Variants in ZFP3 observed in about 807,000 individuals in gnomAD.
The protein encoded by ZFP3 is zinc finger protein 3 homolog.
Under a neutral mutation model 36.7 loss-of-function variants are expected in ZFP3, and 18 were observed. The observed-to-expected ratio is 0.49, with a 90% CI of 0.34 to 0.73. ZFP3 has a LOEUF of 0.73. ZFP3 is among the 30% of genes least tolerant of loss of function. ZFP3 has a pLI of 0.01. For missense variants in ZFP3, 495 were observed against 599.0 expected (o/e 0.83, Z 1.81); for synonymous variants, 218 against 199.0 (o/e 1.10, Z -0.81).
chr17:5,084,458 G>C (rs2072110667), intron 1 of ZFP3, among the ~76,000 whole-genome samples: 1 of 119,868 alleles, frequency 8.3e-6, no homozygotes. Context: ...TGTATTTTTA[G>C]TAGAGACGGG....
chr17:5,096,210 T>TA lies in ZFP3; in HGVS notation c.*3203dup, dbSNP rs1269419146. 1 of 166,962 alleles carries TA rather than the reference T, an allele frequency of 6.0e-6. No individual in the cohort carries two copies. Among genetic ancestry groups the TA allele is most frequent in the African/African-American group, 2.4e-5 (1 of 41,406 alleles). The allele number at this position is 166,962 out of a possible 1,614,324, so 10.3% of individuals were successfully genotyped here. On this transcript the variant is annotated 3_prime_UTR_variant, in exon 2 of 2. Coordinates refer to ENST00000318833, the MANE Select transcript of ZFP3 (RefSeq NM_153018.3). ...TGAATTGTCTTAATTTTAGACCCAT[T>TA]AAAAAACCGCACAGGCCTCAATCTT...
At position 5,078,488 on chromosome 17, in the gene ZFP3, C is replaced by G. The variant is rs1385660791; in HGVS notation, c.-96C>G. On this transcript the variant is annotated 5_prime_UTR_variant, in exon 1 of 2. Transcript: ENST00000318833. This position sits in a 1 kb window ranked among gnomAD's most constrained non-coding sequence, Gnocchi z 4.5. ...GGCCGATGCCCGTCGCCAGTGACAC[C>G]GGGACAACAGCTGCGGGCTCTGTGC... 2.0e-5 allele frequency: 3 copies of G among 152,326 alleles called. No homozygotes were observed. The East Asian group carries it at 5.8e-4, about 29-fold the overall frequency. The allele number at this position is 152,326 out of a possible 1,614,324, so 9.4% of individuals were successfully genotyped here. A position where few individuals can be genotyped will look rare whatever the true frequency, so the allele number is the denominator to read the frequency against.
chr17:5,083,324 G>A (rs1402589946), intron 1 of ZFP3, among the ~76,000 whole-genome samples: 2 of 152,134 alleles, frequency 1.3e-5, no homozygotes, highest in Non-Finnish European at 2.9e-5. Context: ...TTGGGACGCC[G>A]AGGTGGATGG....
rs918794538 is a variant in ZFP3, at chr17:5,093,877, A to G, written c.*864A>G. ...CCAGGGGATAAACAATTGAGGTCAC[A>G]CTGCTCGGCATGGGCAGAAGCAGCT... is the stretch of plus-strand genomic sequence containing the variant. On this transcript the variant is annotated 3_prime_UTR_variant, in exon 2 of 2. Coordinates refer to ENST00000318833, the MANE Select transcript of ZFP3 (RefSeq NM_153018.3). 2 of 167,190 alleles carry G rather than the reference A, an allele frequency of 1.2e-5. No individual in the cohort carries two copies. Among genetic ancestry groups the G allele is most frequent in the Non-Finnish European group, 2.9e-5 (2 of 68,142 alleles). 10.4% of individuals were successfully genotyped at this position (167,190 alleles called of 1,614,324 possible). A position where few individuals can be genotyped will look rare whatever the true frequency, so the allele number is the denominator to read the frequency against.
rs1299277989 is a variant in ZFP3, at chr17:5,092,033, A to T, written c.529A>T (p.Thr177Ser). 6.2e-7 allele frequency: 1 copy of T among 1,614,102 alleles called. No individual in the cohort carries two copies. Among genetic ancestry groups the T allele is most frequent in the African/African-American group, 1.3e-5 (1 of 74,938 alleles). The change falls in exon 2 of 2, where the codon ACA becomes TCA. Residue 177 changes from threonine to serine, a missense_variant. Thr to Ser is a moderately conservative substitution (Grantham distance 58). Around this residue, in one of 3 missense-constraint regions of ZFP3, gnomAD observed 229 missense variants for 233.8 expected, o/e 0.98. Transcript: ENST00000318833. This position sits in a 1 kb window ranked among gnomAD's most constrained non-coding sequence, Gnocchi z 5.0. ...KPFECKECGKTFGTNSSLRRH... is the reference protein window; with the variant it reads ...KPFECKECGKSFGTNSSLRRH... The stretch of plus-strand genomic sequence containing the variant: ...CTTTGAATGTAAAGAATGTGGAAAG[A>T]CATTTGGAACTAATTCAAGCCTTCG...
In ZFP3 at chr17:5,094,639, A is replaced by G; in HGVS notation, c.*1626A>G. The G allele has an allele frequency of 6.0e-6, 1 of 167,242 alleles. No individual in the cohort carries two copies. The allele number at this position is 167,242 out of a possible 1,614,324, so 10.4% of individuals were successfully genotyped here. On this transcript the variant is annotated 3_prime_UTR_variant, in exon 2 of 2. Coordinates refer to ENST00000318833, the MANE Select transcript of ZFP3 (RefSeq NM_153018.3). The stretch of plus-strand genomic sequence containing the variant: ...CCGATAATTCCTTAATTCTTTAAAA[A>G]TTTAACTTTATATATCTTTATTATT...
chr17:5,092,557 GATT>G lies in ZFP3; in HGVS notation c.1058_1060del (p.Ile353del). On this transcript the variant is annotated inframe_deletion, in exon 2 of 2. Coordinates refer to ENST00000318833, the MANE Select transcript of ZFP3 (RefSeq NM_153018.3). The surrounding 1 kb of genome is among the most constrained non-coding windows in gnomAD (Gnocchi z 5.0). ...GGAAAACTTTTGGCCAGAACTCAGAGATTATTAGACATATTAGAATTCATACTG... is the reference window on the plus strand; with the variant it reads ...GGAAAACTTTTGGCCAGAACTCAGAGATTAGACATATTAGAATTCATACTG... 1 of 1,614,116 alleles carries G rather than the reference GATT, an allele frequency of 6.2e-7. No individual in the cohort carries two copies. Among genetic ancestry groups the G allele is most frequent in the Non-Finnish European group, 8.5e-7 (1 of 1,180,030 alleles).
At position 5,092,238 on chromosome 17, in the gene ZFP3, G is replaced by T. The variant is rs1192546479; in HGVS notation, c.734G>T (p.Arg245Ile). ...AATTCAGCCCTTATTCTACACCAGA[G>T]AATCCATACTGGAGAGAAACCATAT... ...SQNSALILHQ[R>I]IHTGEKPYEC... The change falls in exon 2 of 2, where the codon AGA becomes ATA. Residue 245 changes from arginine (R) to isoleucine (I), a missense_variant. Coordinates refer to ENST00000318833, the MANE Select transcript of ZFP3 (RefSeq NM_153018.3). This position sits in a 1 kb window ranked among gnomAD's most constrained non-coding sequence, Gnocchi z 5.0. The T allele has an allele frequency of 6.2e-7, 1 of 1,614,146 alleles. No homozygotes were observed. Among genetic ancestry groups the T allele is most frequent in the South Asian group, 1.1e-5 (1 of 91,080 alleles).
rs140911391 is a variant in ZFP3 at position 5,091,781 on chromosome 17, A to C, written c.277A>C (p.Arg93=). Reference sequence around the variant, plus strand: ...AGACCGGGAGAATAATGAGAGTGAGAGAGGCTGCAGTCCCAGCCCAAATCT... The same window carrying C: ...AGACCGGGAGAATAATGAGAGTGAGCGAGGCTGCAGTCCCAGCCCAAATCT... ...EKDRENNESE[R]GCSPSPNLVT... The change falls in exon 2 of 2, where the codon AGA becomes CGA. Residue 93 remains arginine (R), a synonymous_variant. Transcript: ENST00000318833. 188 of 1,614,110 alleles carry C rather than the reference A, an allele frequency of 1.2e-4. 1 individual carries two copies. In the African/African-American group the frequency reaches 1.8e-3, roughly 15 times the overall value.
chr17:5,092,656 G>C lies in ZFP3; in HGVS notation c.1152G>C (p.Glu384Asp), dbSNP rs761092869. The C allele has an allele frequency of 1.9e-6, 3 of 1,614,124 alleles. No homozygotes were observed. The highest frequency in any genetic ancestry group is 2.5e-6 in the Non-Finnish European group (3 of 1,180,034). The stretch of plus-strand genomic sequence containing the variant: ...GGAACTCAGAACTTCTTAGACATGA[G>C]AGAATTCACACTGGAGAGAAACCCT... Reference protein sequence around the residue: ...FRGNSELLRHERIHTGEKPYE... With the variant: ...FRGNSELLRHDRIHTGEKPYE... Residue 384 changes from glutamate (E) to aspartate (D), a missense_variant, in exon 2 of 2, where the codon GAG becomes GAC. This residue lies in a region of ZFP3 where 163 missense variants were observed against 178.4 expected (regional missense o/e 0.91). Coordinates refer to ENST00000318833, the MANE Select transcript of ZFP3 (RefSeq NM_153018.3). The surrounding 1 kb of genome is among the most constrained non-coding windows in gnomAD (Gnocchi z 5.0).
chr17:5,088,253 C>T (rs1002831692), intron 1 of ZFP3, among the ~76,000 whole-genome samples: 10 of 152,134 alleles, frequency 6.6e-5, no homozygotes, highest in African/African-American at 2.4e-4. Flanking sequence ...TAATTACCAT[C>T]CCTCAAATTG....
chr17:5,092,600 G>A lies in ZFP3; in HGVS notation c.1096G>A (p.Val366Ile), dbSNP rs1413700647. The change falls in exon 2 of 2, where the codon GTA becomes ATA. Residue 366 changes from valine to isoleucine, a missense_variant. Transcript: ENST00000318833. This position sits in a 1 kb window ranked among gnomAD's most constrained non-coding sequence, Gnocchi z 5.0. ...AATTCATACTGGTGAGAAGCCCTAT[G>A]TATGTAAGGAATGTGGGAAGGCCTT... ...IRIHTGEKPY[V>I]CKECGKAFRG... is the part of the protein sequence containing the mutation. 6.2e-7 allele frequency: 1 copy of A among 1,614,028 alleles called. No individual in the cohort carries two copies. The highest frequency in any genetic ancestry group is 1.1e-5 in the South Asian group (1 of 91,078).
chr17:5,095,873 C>G lies in ZFP3; in HGVS notation c.*2860C>G, dbSNP rs2072178583. 6.0e-6 allele frequency: 1 copy of G among 166,774 alleles called. No individual in the cohort carries two copies. The highest frequency in any genetic ancestry group is 6.6e-5 in the Admixed American group (1 of 15,206). 10.3% of individuals were successfully genotyped at this position (166,774 alleles called of 1,614,324 possible). On this transcript the variant is annotated 3_prime_UTR_variant, in exon 2 of 2. Coordinates refer to ENST00000318833, the MANE Select transcript of ZFP3 (RefSeq NM_153018.3). ...GAACATTAGGAGGCAATTTAGTGACCTGTTGTACCTGACCATGTTCTTAAG... is the reference window on the plus strand; with the variant it reads ...GAACATTAGGAGGCAATTTAGTGACGTGTTGTACCTGACCATGTTCTTAAG...
chr17:5,094,483 G>C lies in ZFP3; in HGVS notation c.*1470G>C, dbSNP rs994320187. ...GGGTGACAGTGGGAATTGCACTAAT[G>C]GGGGCCCAACAGGCCTGGGGGCTGG... On this transcript the variant is annotated 3_prime_UTR_variant, in exon 2 of 2. Coordinates refer to ENST00000318833, the MANE Select transcript of ZFP3 (RefSeq NM_153018.3). 1 of 167,078 alleles carries C rather than the reference G, an allele frequency of 6.0e-6. No homozygotes were observed. 10.3% of individuals were successfully genotyped at this position (167,078 alleles called of 1,614,324 possible). A position where few individuals can be genotyped will look rare whatever the true frequency, so the allele number is the denominator to read the frequency against.
intron 1 of ZFP3, among the ~76,000 whole-genome samples, chr17:5,089,917 C>G (rs1184899360): frequency 6.6e-6 from 1 of 152,146 alleles, no homozygotes; most frequent in Non-Finnish European, 1.5e-5. Flanking sequence ...CTCTGCCTCC[C>G]AAAGTACTGG....
intron 1 of ZFP3, among the ~76,000 whole-genome samples, chr17:5,086,496 T>C (rs763273017): frequency 2.0e-5 from 3 of 152,150 alleles, no homozygotes; most frequent in Non-Finnish European, 4.4e-5. Context: ...GCTGGACCTA[T>C]TCCTTCTAAT....
In ZFP3 at chr17:5,095,014, C is replaced by G. The variant is rs1027150052; in HGVS notation, c.*2001C>G. 1.2e-5 allele frequency: 2 copies of G among 167,112 alleles called. No individual in the cohort carries two copies. Among genetic ancestry groups the G allele is most frequent in the African/African-American group, 4.8e-5 (2 of 41,458 alleles). 10.4% of individuals were successfully genotyped at this position (167,112 alleles called of 1,614,324 possible). ...TCCAAACCTGGTTGATGCTCTTAAC[C>G]ACTGTGCTATGCCGCAGGTAGGCAG... On this transcript the variant is annotated 3_prime_UTR_variant, in exon 2 of 2. Coordinates refer to ENST00000318833, the MANE Select transcript of ZFP3 (RefSeq NM_153018.3).
chr17:5,082,283 G>C lies in ZFP3; in HGVS notation c.-9+3708G>C, dbSNP rs558451929. 6.1e-4 allele frequency among the ~76,000 whole-genome samples: 93 copies of C among 151,906 alleles called. 1 individual carries two copies. In the South Asian group the frequency reaches 0.017, roughly 29 times the overall value. ...AATCGCTTGAAACCAGGAGGCAGAG[G>C]TTGCAGTGAGCCAAGATCACGCCAC... is the stretch of plus-strand genomic sequence containing the variant. On this transcript the variant is annotated intron_variant, in intron 1 of 1. Coordinates refer to ENST00000318833, the MANE Select transcript of ZFP3 (RefSeq NM_153018.3).
chr17:5,087,077 A>ATTTTTTTT, intron 1 of ZFP3, among the ~76,000 whole-genome samples: 2 of 101,566 alleles, frequency 2.0e-5, no homozygotes, highest in Non-Finnish European at 3.9e-5. Context: ...ACTGCATTTG[A>ATTTTTTTT]TTTTTTTTTT....
Sources: allele counts gnomAD v4.1 joint callset (sites outside exome capture counted in the v4.1 genomes callset), GRCh38; gene constraint gnomAD v4.1.1; regional missense constraint gnomAD v4.1.1; non-coding constraint Gnocchi (gnomAD v3.1); transcripts MANE v1.5; gene names NCBI Gene and HGNC (gene_info 2026-07-23, HGNC 2026-07-21).